The following PRDM16 variants were observed in gnomAD, a reference collection of about 807,000 sequenced individuals.
PRDM16 encodes the protein PR/SET domain 16.
A neutral mutation model predicts 110.6 loss-of-function variants in PRDM16; 23 were observed. The ratio of observed to expected loss-of-function variants is 0.21; its 90% confidence interval spans 0.15 to 0.29. PRDM16 has a LOEUF of 0.29. PRDM16 is among the 10% of genes least tolerant of loss of function. The pLI is 1.00. For synonymous variants in PRDM16, 799 were observed against 781.8 expected, an observed-to-expected ratio of 1.02 and a Z score of -0.37; for missense variants, 1,615 against 1,794.3, an observed-to-expected ratio of 0.90 and a Z score of 1.81.
intron 3 of PRDM16, among the ~76,000 whole-genome samples, chr1:3,312,520 C>G (rs1641486356): frequency 6.6e-6 from 1 of 152,218 alleles, no homozygotes; most frequent in African/African-American, 2.4e-5. Flanking sequence ...ACGTTGGCAT[C>G]CCCTCTGTGG....
intron 1 of PRDM16, among the ~76,000 whole-genome samples, chr1:3,134,882 C>T (rs1442266275): frequency 6.6e-6 from 1 of 152,250 alleles, no homozygotes; most frequent in Non-Finnish European, 1.5e-5. Flanking sequence ...GGGAGCCCAC[C>T]TCCTGAGAGC....
rs1194186134 is a variant in PRDM16 at position 3,148,648 on chromosome 1, G to A, written c.38-37477G>A. On this transcript the variant is annotated intron_variant, in intron 1 of 16. Transcript: ENST00000270722. This position sits in a 1 kb window ranked among gnomAD's most constrained non-coding sequence, Gnocchi z 5.0. ...TCCCATCTCAGGTGGGCGGTGACTT[G>A]TCCTGGCCGAGCCAGCCCAGTCCTT... 6.6e-6 allele frequency among the ~76,000 whole-genome samples: 1 copy of A among 152,182 alleles called. No homozygotes were observed. Among genetic ancestry groups the A allele is most frequent in the African/African-American group, 2.4e-5 (1 of 41,444 alleles).
intron 10 of PRDM16, among the ~76,000 whole-genome samples, chr1:3,416,997 A>T (rs1638282313): frequency 6.6e-6 from 1 of 152,218 alleles, no homozygotes; most frequent in Non-Finnish European, 1.5e-5. Flanking sequence ...GACACTGAGC[A>T]GCTCCATCAG....
intron 3 of PRDM16, among the ~76,000 whole-genome samples, chr1:3,312,247 C>T (rs1338070838): frequency 6.6e-6 from 1 of 152,244 alleles, no homozygotes; most frequent in Non-Finnish European, 1.5e-5. Flanking sequence ...AGCATCCTCG[C>T]CCCACTGGGT....
In PRDM16 at chr1:3,200,825, C is replaced by T. The variant is rs560509532; in HGVS notation, c.387+14351C>T. Reference sequence around the variant, plus strand: ...CTGCACCTAATCCCAGCCTCCACCCCGATGATGCTGCCTGTGGACTCAGCA... The same window carrying T: ...CTGCACCTAATCCCAGCCTCCACCCTGATGATGCTGCCTGTGGACTCAGCA... On this transcript the variant is annotated intron_variant, in intron 2 of 16. Coordinates refer to ENST00000270722, the MANE Select transcript of PRDM16 (RefSeq NM_022114.4). 9.9e-5 allele frequency among the ~76,000 whole-genome samples: 15 copies of T among 152,232 alleles called. No homozygotes were observed. The East Asian group carries it at 1.5e-3, about 16-fold the overall frequency.
intron 1 of PRDM16, among the ~76,000 whole-genome samples, chr1:3,129,939 C>T (rs1367625661): frequency 1.3e-5 from 2 of 152,180 alleles, no homozygotes; most frequent in East Asian, 1.9e-4. Context: ...AGGGTCTCAG[C>T]CATTTGTATC....
At chr1:3,073,132 C>G (rs1285698492) in intron 1 of PRDM16, among the ~76,000 whole-genome samples, 1 of 152,220 alleles carries the variant, frequency 6.6e-6, no homozygotes, top group Non-Finnish European at 1.5e-5. Context: ...CTCCCAAGTC[C>G]TCCTGTAGGC....
intron 1 of PRDM16, among the ~76,000 whole-genome samples, chr1:3,100,006 C>G (rs1557445607): frequency 6.6e-6 from 1 of 152,154 alleles, no homozygotes; most frequent in Non-Finnish European, 1.5e-5. Context: ...CTCGGCACCC[C>G]TGGGTGAGGG....
At chr1:3,317,578 A>G (rs978786296) in intron 3 of PRDM16, among the ~76,000 whole-genome samples, 1 of 152,146 alleles carries the variant, frequency 6.6e-6, no homozygotes, top group Non-Finnish European at 1.5e-5. Context: ...TCTGAAAGCA[A>G]AGCCATCACG....
chr1:3,295,686 G>T (rs569294606), intron 3 of PRDM16, among the ~76,000 whole-genome samples: 1 of 152,346 alleles, frequency 6.6e-6, no homozygotes, highest in Admixed American at 6.5e-5. Context: ...CCCACAGTGG[G>T]CTTTGTTTAG....
chr1:3,321,442 TTG>T (rs1237935858), intron 3 of PRDM16, among the ~76,000 whole-genome samples: 5 of 135,074 alleles, frequency 3.7e-5, no homozygotes, highest in Non-Finnish European at 1.6e-5. Context: ...GCACATGTGT[TTG>T]TGTTTGTGGG....
At chr1:3,351,273 C>T (rs1057140477) in intron 3 of PRDM16, among the ~76,000 whole-genome samples, 4 of 152,102 alleles carry the variant, frequency 2.6e-5, no homozygotes, top group Non-Finnish European at 4.4e-5. Context: ...GTGGAAAAGA[C>T]TCTGTTTGGC....
chr1:3,211,776 A>G (rs572534039), intron 2 of PRDM16, among the ~76,000 whole-genome samples: 1 of 152,356 alleles, frequency 6.6e-6, no homozygotes, highest in East Asian at 1.9e-4. Flanking sequence ...ACGGTGGCCC[A>G]TGGCCTTGCA....
At chr1:3,404,700 G>C in intron 6 of PRDM16, 39 bp from the exon 7 acceptor site, 1 of 1,609,394 alleles carries the variant, frequency 6.2e-7, no homozygotes, top group Non-Finnish European at 8.5e-7. Context: ...GCAGAGGGCA[G>C]GTAGTCGGGC....
chr1:3,142,829 A>G (rs1643578089), intron 1 of PRDM16, among the ~76,000 whole-genome samples: 1 of 152,144 alleles, frequency 6.6e-6, no homozygotes, highest in South Asian at 2.1e-4. Context: ...AAACTGATGG[A>G]TGGCCTTGGC....
In PRDM16 at chr1:3,181,956, A is replaced by G. The variant is rs373934977; in HGVS notation, c.38-4169A>G. Among the ~76,000 whole-genome samples the G allele has an allele frequency of 3.9e-5, 6 of 152,086 alleles. No homozygotes were observed. The East Asian group carries it at 9.7e-4, about 25-fold the overall frequency. ...TACACATGCTTACACACACAGTCTT[A>G]CACATGCCTTACACATGCAGTCACA... On this transcript the variant is annotated intron_variant, in intron 1 of 16. Coordinates refer to ENST00000270722, the MANE Select transcript of PRDM16 (RefSeq NM_022114.4).
intron 2 of PRDM16, among the ~76,000 whole-genome samples, chr1:3,222,565 G>A (rs954168866): frequency 6.6e-6 from 1 of 152,238 alleles, no homozygotes; most frequent in Non-Finnish European, 1.5e-5. Flanking sequence ...TGCTGGGTGT[G>A]TTTCATGGCC....
chr1:3,239,881 T>C (rs1569903981), intron 2 of PRDM16, among the ~76,000 whole-genome samples: 1 of 150,054 alleles, frequency 6.7e-6, no homozygotes, highest in Non-Finnish European at 1.5e-5. Context: ...GCCCAGGAGG[T>C]CGAGGTTGCA....
At chr1:3,114,338 G>C (rs913068962) in intron 1 of PRDM16, among the ~76,000 whole-genome samples, 1 of 126,572 alleles carries the variant, frequency 7.9e-6, no homozygotes, top group Non-Finnish European at 1.6e-5. Context: ...GTAAACAGAC[G>C]CGCACGCATG....
Sources: allele counts gnomAD v4.1 joint callset (sites outside exome capture counted in the v4.1 genomes callset), GRCh38; gene constraint gnomAD v4.1.1; non-coding constraint Gnocchi (gnomAD v3.1); transcripts MANE v1.5; gene names NCBI Gene and HGNC (gene_info 2026-07-23, HGNC 2026-07-21).